Variants in ABRAXAS1 observed in about 807,000 individuals in gnomAD.
The protein encoded by ABRAXAS1 is BRCA1-A complex subunit Abraxas 1.
In ABRAXAS1, 26 loss-of-function variants were observed where a neutral mutation model predicts 38.4. The observed-to-expected ratio is 0.68, with a 90% CI of 0.50 to 0.94. The LOEUF (loss-of-function observed/expected upper bound fraction) is 0.94, where lower values mean the gene tolerates loss of function less well. Among genes scored for constraint, ABRAXAS1 ranks in the 40% least tolerant of loss-of-function variants. ABRAXAS1 has a pLI of 0.00. For missense variants in ABRAXAS1, 438 were observed against 481.9 expected, an observed-to-expected ratio of 0.91 and a Z score of 0.85; for synonymous variants, 144 against 165.5, an observed-to-expected ratio of 0.87 and a Z score of 1.00.
intron 5 of ABRAXAS1, 33 bp from the exon 6 acceptor site, chr4:83,469,184 G>A (rs2110038805): frequency 4.4e-6 from 7 of 1,591,598 alleles, no homozygotes; most frequent in African/African-American, 2.7e-5. Flanking sequence ...TATAAACTTA[G>A]AATGAAAAGA....
At chr4:83,484,947 C>T (rs552356337) in intron 1 of ABRAXAS1, 39 bp downstream of exon 1, 14 of 1,528,846 alleles carry the variant, frequency 9.2e-6, no homozygotes, top group East Asian at 5.1e-5. Context: ...CAGGGCTCTT[C>T]CCAGGCGACG....
intron 1 of ABRAXAS1, 90 bp downstream of exon 1, chr4:83,484,896 C>A (rs1578138594): frequency 1.8e-6 from 2 of 1,103,560 alleles, no homozygotes; most frequent in East Asian, 6.3e-5. Flanking sequence ...GTCGGGGGAG[C>A]GGGCGGGGAC....
chr4:83,481,932 T>G (rs968576991), intron 2 of ABRAXAS1, among the ~76,000 whole-genome samples: 9 of 152,030 alleles, frequency 5.9e-5, no homozygotes, highest in African/African-American at 2.2e-4. Flanking sequence ...GTATTTTTAG[T>G]AGAGATGGGT....
intron 4 of ABRAXAS1, among the ~76,000 whole-genome samples, chr4:83,471,696 C>T (rs979781670): frequency 6.6e-6 from 1 of 152,022 alleles, no homozygotes; most frequent in Non-Finnish European, 1.5e-5. Flanking sequence ...CCTGCAGTAT[C>T]TATCAAAAAT....
intron 2 of ABRAXAS1, chr4:83,477,548 G>A: frequency 8.5e-6 from 4 of 470,544 alleles, no homozygotes; most frequent in African/African-American, 2.0e-5. Flanking sequence ...TGTAAGCCAT[G>A]AGATGTCTCG....
At chr4:83,467,664 T>C in intron 6 of ABRAXAS1, 126 bp from the exon 7 acceptor site, 1 of 595,890 alleles carries the variant, frequency 1.7e-6, no homozygotes, top group Non-Finnish European at 3.0e-6. Context: ...ACCATAATTT[T>C]GTCAATCTAT....
chr4:83,476,413 C>G (rs1265489930), intron 3 of ABRAXAS1, among the ~76,000 whole-genome samples: 2 of 151,996 alleles, frequency 1.3e-5, no homozygotes, highest in Non-Finnish European at 2.9e-5. Context: ...AAACTGGTGC[C>G]TGGGAAAGGT....
At position 83,485,076 on chromosome 4, in the gene ABRAXAS1, A is replaced by G. The variant is rs202166386; in HGVS notation, c.-4T>C. On this transcript the variant is annotated 5_prime_UTR_variant, in exon 1 of 9. Transcript: ENST00000321945. ...CCGACGTACTCTCCCCCTCCATGCT[A>G]CCGCCGCCTCAGGCTACACAAGAGG... The G allele has an allele frequency of 1.6e-3, 2,459 of 1,584,992 alleles. 5 individuals are homozygous for G. Among genetic ancestry groups the G allele is most frequent in the Non-Finnish European group, 2.0e-3 (2,346 of 1,165,950 alleles).
intron 7 of ABRAXAS1, chr4:83,463,931 A>C: frequency 6.3e-6 from 1 of 157,758 alleles, no homozygotes; most frequent in Non-Finnish European, 1.4e-5. Context: ...CACGCCTGTA[A>C]TCCCAGCACT....
chr4:83,462,555 C>T lies in ABRAXAS1; in HGVS notation c.1144G>A (p.Ala382Thr). 1 of 1,614,082 alleles carries T rather than the reference C, an allele frequency of 6.2e-7. No individual in the cohort carries two copies. Among genetic ancestry groups the T allele is most frequent in the Non-Finnish European group, 8.5e-7 (1 of 1,179,988 alleles). ...GTTTCTGGGCTGCTCATTTTGGATG[C>T]TTTATCTTGGTTACTACTACCAGTA... is the stretch of plus-strand genomic sequence containing the variant. ...ADTGSSNQDK[A>T]SKMSSPETDE... The change falls in exon 9 of 9, where the codon GCA becomes ACA. Residue 382 changes from alanine (A) to threonine (T), a missense_variant. Transcript: ENST00000321945.
rs1722071152 is a variant in ABRAXAS1, at chr4:83,460,868, T to C, written c.*1601A>G. Reference sequence around the variant, plus strand: ...TTGCAGTGAGGCGAGAGAGCACCACTGTACTCCAGCCTGGGTGACACAGGG... The same window carrying C: ...TTGCAGTGAGGCGAGAGAGCACCACCGTACTCCAGCCTGGGTGACACAGGG... On this transcript the variant is annotated 3_prime_UTR_variant, in exon 9 of 9. Transcript: ENST00000321945. The C allele has an allele frequency of 1.1e-6, 1 of 932,658 alleles. No individual in the cohort carries two copies. The highest frequency in any genetic ancestry group is 2.4e-5 in the Admixed American group (1 of 40,840). The allele number at this position is 932,658 out of a possible 1,614,324, so 57.8% of individuals were successfully genotyped here. A position where few individuals can be genotyped will look rare whatever the true frequency, so the allele number is the denominator to read the frequency against.
At chr4:83,467,861 C>T (rs574585444) in intron 6 of ABRAXAS1, among the ~76,000 whole-genome samples, 10 of 152,086 alleles carry the variant, frequency 6.6e-5, no homozygotes, top group East Asian at 1.9e-4. Flanking sequence ...CAATGGGAAC[C>T]GGAGTCAATT....
Position 83,460,569 on chromosome 4 carries a change from T to C in ABRAXAS1, c.*1900A>G, listed in dbSNP as rs1165460372. 2 of 211,892 alleles carry C rather than the reference T, an allele frequency of 9.4e-6. No individual in the cohort carries two copies. Among genetic ancestry groups the C allele is most frequent in the East Asian group, 1.4e-4 (1 of 6,922 alleles). 13.1% of individuals were successfully genotyped at this position (211,892 alleles called of 1,614,324 possible). On this transcript the variant is annotated 3_prime_UTR_variant, in exon 9 of 9. Coordinates refer to ENST00000321945, the MANE Select transcript of ABRAXAS1 (RefSeq NM_139076.3). ...ATGGCCCACAAAACCTAGATTATTATTGTGGCCCTTGACAAAAATGATTTA... is the reference window on the plus strand; with the variant it reads ...ATGGCCCACAAAACCTAGATTATTACTGTGGCCCTTGACAAAAATGATTTA...
intron 7 of ABRAXAS1, among the ~76,000 whole-genome samples, chr4:83,466,513 T>G (rs1722360094): frequency 6.6e-6 from 1 of 151,890 alleles, no homozygotes; most frequent in Non-Finnish European, 1.5e-5. Flanking sequence ...AAGCAAAGTT[T>G]TAAGAGCTGT....
intron 7 of ABRAXAS1, among the ~76,000 whole-genome samples, chr4:83,466,510 G>A (rs1463522389): frequency 6.6e-6 from 1 of 151,432 alleles, no homozygotes; most frequent in African/African-American, 2.4e-5. Context: ...TTTAAGCAAA[G>A]TTTTAAGAGC....
intron 7 of ABRAXAS1, chr4:83,467,197 CAAT>C (rs1254314558): frequency 3.5e-5 from 12 of 342,008 alleles, no homozygotes; most frequent in Admixed American, 1.6e-4. Flanking sequence ...GACTGATATT[CAAT>C]AATAATTTGG....
intron 3 of ABRAXAS1, among the ~76,000 whole-genome samples, chr4:83,476,239 A>G (rs979835637): frequency 3.3e-5 from 5 of 152,300 alleles, no homozygotes; most frequent in Admixed American, 2.0e-4. Flanking sequence ...CAGACAAAAA[A>G]TAACACTAAA....
intron 6 of ABRAXAS1, among the ~76,000 whole-genome samples, chr4:83,468,755 G>GCTGA: frequency 6.6e-6 from 1 of 152,172 alleles, no homozygotes; most frequent in African/African-American, 2.4e-5. Flanking sequence ...GCCCAGGCTA[G>GCTGA]TCTCCAACTC....
chr4:83,484,986 C>A lies in ABRAXAS1; in HGVS notation c.87G>T (p.Thr29=). The A allele has an allele frequency of 6.3e-7, 1 of 1,580,486 alleles. No homozygotes were observed. The highest frequency in any genetic ancestry group is 8.6e-7 in the Non-Finnish European group (1 of 1,163,076). The change falls in exon 1 of 9, where the codon ACG becomes ACT. Residue 29 remains threonine, a splice_region_variant and synonymous_variant. Coordinates refer to ENST00000321945, the MANE Select transcript of ABRAXAS1 (RefSeq NM_139076.3). ...AFQHLNTDSD[T]EGFLLGEVKG... is the part of the protein sequence containing the mutation. ...GACCCCGCCCCGTCCCTCGGCTCACCGTGTCCGAGTCCGTGTTGAGGTGCT... is the reference window on the plus strand; with the variant it reads ...GACCCCGCCCCGTCCCTCGGCTCACAGTGTCCGAGTCCGTGTTGAGGTGCT...
Sources: allele counts gnomAD v4.1 joint callset (sites outside exome capture counted in the v4.1 genomes callset), GRCh38; gene constraint gnomAD v4.1.1; transcripts MANE v1.5; gene names NCBI Gene and HGNC (gene_info 2026-07-23, HGNC 2026-07-21).